Variants in KIRREL3 observed in about 807,000 individuals in gnomAD.
KIRREL3 encodes kin of IRRE-like protein 3.
A neutral mutation model predicts 89.7 loss-of-function variants in KIRREL3; 36 were observed. The ratio of observed to expected loss-of-function variants is 0.40; its 90% CI spans 0.31 to 0.53. The LOEUF (loss-of-function observed/expected upper bound fraction) is 0.53, where lower values mean the gene tolerates loss of function less well. Among genes scored for constraint, KIRREL3 ranks in the 20% least tolerant of loss-of-function variants. The pLI, the probability that KIRREL3 is intolerant of heterozygous loss-of-function variation, is 0.49. For missense variants in KIRREL3, 864 were observed against 1,056.6 expected (o/e 0.82, Z 2.53); for synonymous variants, 445 against 441.4 (o/e 1.01, Z -0.10).
intron 1 of KIRREL3, among the ~76,000 whole-genome samples, chr11:126,820,469 G>A (rs915366604): frequency 2.6e-5 from 4 of 152,172 alleles, no homozygotes; most frequent in African/African-American, 9.7e-5. Flanking sequence ...TTCTGACCCA[G>A]AGGAGTTTAT....
rs1941947783 is a variant in KIRREL3 at position 126,587,966 on chromosome 11, A to G, written c.56-25054T>C. On this transcript the variant is annotated intron_variant, in intron 1 of 16. Coordinates refer to ENST00000525144, the MANE Select transcript of KIRREL3 (RefSeq NM_032531.4). This position sits in a 1 kb window ranked among gnomAD's most constrained non-coding sequence, Gnocchi z 5.2. Reference sequence around the variant, plus strand: ...CTTTGGAAGGCTTTAGGAAGAAGGGAGAGGTGGACTGGAAGACTCAGATCT... The same window carrying G: ...CTTTGGAAGGCTTTAGGAAGAAGGGGGAGGTGGACTGGAAGACTCAGATCT... 6.6e-6 allele frequency among the ~76,000 whole-genome samples: 1 copy of G among 152,082 alleles called. No individual in the cohort carries two copies. Among genetic ancestry groups the G allele is most frequent in the South Asian group, 2.1e-4 (1 of 4,816 alleles).
At chr11:126,973,113 A>G (rs2135221198) in intron 1 of KIRREL3, among the ~76,000 whole-genome samples, 1 of 147,738 alleles carries the variant, frequency 6.8e-6, no homozygotes, top group South Asian at 2.2e-4. Flanking sequence ...AAAAAAAAAA[A>G]AAAAAAAGAC....
chr11:126,536,836 G>C lies in KIRREL3; in HGVS notation c.134-10149C>G, dbSNP rs894935571. ...ATTTTTGTATTTTTAGTAGAGACAG[G>C]GTTTCACCAAGTTGACCAGGCCAGT... On this transcript the variant is annotated intron_variant, in intron 2 of 16. Coordinates refer to ENST00000525144, the MANE Select transcript of KIRREL3 (RefSeq NM_032531.4). 3.9e-5 allele frequency among the ~76,000 whole-genome samples: 6 copies of C among 152,118 alleles called. No individual in the cohort carries two copies. In the South Asian group the frequency reaches 1.2e-3, roughly 32 times the overall value.
Position 126,909,594 on chromosome 11 carries a change from CA to C in KIRREL3, c.55+90860del, listed in dbSNP as rs1476915257. 6.6e-6 allele frequency among the ~76,000 whole-genome samples: 1 copy of C among 152,158 alleles called. No homozygotes were observed. Among genetic ancestry groups the C allele is most frequent in the Non-Finnish European group, 1.5e-5 (1 of 68,026 alleles). ...GAAAGGGCTCTGCTGAATGGAGTCGCAACAGCACCTGTCTCTGGTGTCCTCC... is the reference window on the plus strand; with the variant it reads ...GAAAGGGCTCTGCTGAATGGAGTCGCACAGCACCTGTCTCTGGTGTCCTCC... On this transcript the variant is annotated intron_variant, in intron 1 of 16. Coordinates refer to ENST00000525144, the MANE Select transcript of KIRREL3 (RefSeq NM_032531.4). The surrounding 1 kb of genome is among the most constrained non-coding windows in gnomAD (Gnocchi z 4.5).
chr11:126,720,429 C>T (rs1428621603), intron 1 of KIRREL3, among the ~76,000 whole-genome samples: 1 of 152,174 alleles, frequency 6.6e-6, no homozygotes, highest in Non-Finnish European at 1.5e-5. Flanking sequence ...CCAATGAAAT[C>T]TCAAATCCCT....
At position 126,561,544 on chromosome 11, in the gene KIRREL3, A is replaced by T. The variant is rs532377634; in HGVS notation, c.133+1291T>A. ...AAGTTACTGCCTAGCAGTCTTGTCAAGGCAGTGGTGTTGGGGAGGGAAGGG... is the reference window on the plus strand; with the variant it reads ...AAGTTACTGCCTAGCAGTCTTGTCATGGCAGTGGTGTTGGGGAGGGAAGGG... On this transcript the variant is annotated intron_variant, in intron 2 of 16. Transcript: ENST00000525144. This position sits in a 1 kb window ranked among gnomAD's most constrained non-coding sequence, Gnocchi z 4.5. Among the ~76,000 whole-genome samples the T allele has an allele frequency of 6.6e-6, 1 of 152,186 alleles. No individual in the cohort carries two copies. The highest frequency in any genetic ancestry group is 1.5e-5 in the Non-Finnish European group (1 of 68,034).
intron 1 of KIRREL3, among the ~76,000 whole-genome samples, chr11:126,934,394 T>C (rs1286716217): frequency 6.6e-6 from 1 of 152,152 alleles, no homozygotes; most frequent in Non-Finnish European, 1.5e-5. Context: ...ACTGTGACTT[T>C]GGGTTTTTCT....
At chr11:126,644,771 A>C (rs1035743408) in intron 1 of KIRREL3, among the ~76,000 whole-genome samples, 1 of 152,244 alleles carries the variant, frequency 6.6e-6, no homozygotes, top group African/African-American at 2.4e-5. Context: ...TGCCTCAAAG[A>C]GTTAAAGTTT....
At chr11:126,659,724 G>A (rs1332802600) in intron 1 of KIRREL3, among the ~76,000 whole-genome samples, 1 of 152,204 alleles carries the variant, frequency 6.6e-6, no homozygotes, top group Non-Finnish European at 1.5e-5. Context: ...TGCCTTCCAC[G>A]GGCTGATGTG....
chr11:126,850,376 A>G (rs1592221432), intron 1 of KIRREL3, among the ~76,000 whole-genome samples: 1 of 152,098 alleles, frequency 6.6e-6, no homozygotes, highest in South Asian at 2.1e-4. Flanking sequence ...GCCCTCAGAC[A>G]CCTGCCCTCC....
rs1947499300 is a variant in KIRREL3, at chr11:126,923,221, T to TCTTCTA, written c.55+77233_55+77234insTAGAAG. Among the ~76,000 whole-genome samples, 3 of 27,724 alleles carry TCTTCTA rather than the reference T, an allele frequency of 1.1e-4. 1 individual carries two copies. The highest frequency in any genetic ancestry group is 1.8e-4 in the African/African-American group (1 of 5,590). 18.2% of individuals were successfully genotyped at this position (27,724 alleles called of 152,430 possible). ...TTCTTCTTCTTCTTCTTCTTCTTCT[T>TCTTCTA]CTTCTTCTTCTTCTTCTTCTTCTTC... On this transcript the variant is annotated intron_variant, in intron 1 of 16. Transcript: ENST00000525144.
chr11:126,767,746 C>T (rs1192940002), intron 1 of KIRREL3, among the ~76,000 whole-genome samples: 12 of 152,146 alleles, frequency 7.9e-5, no homozygotes, highest in South Asian at 2.1e-4. Flanking sequence ...ATGCTAGAGA[C>T]GGCTGAAAGG....
chr11:126,922,017 CCTATCTATCTTCCTAT>C (rs1202331981), intron 1 of KIRREL3, among the ~76,000 whole-genome samples: 37 of 121,890 alleles, frequency 3.0e-4, no homozygotes, highest in African/African-American at 8.5e-4. Flanking sequence ...CATCTATCTT[CCTATCTATCTTCCTAT>C]CTATCTATCT....
rs1944045576 is a variant in KIRREL3 at position 126,843,853 on chromosome 11, C to T, written c.55+156602G>A. Among the ~76,000 whole-genome samples the T allele has an allele frequency of 1.3e-5, 2 of 152,136 alleles. No individual in the cohort carries two copies. Among genetic ancestry groups the T allele is most frequent in the Non-Finnish European group, 2.9e-5 (2 of 68,024 alleles). ...CTCCCACCCGTGCCATGACAGTTTA[C>T]AAATGCCATGGCAACATCAGAAAGT... On this transcript the variant is annotated intron_variant, in intron 1 of 16. Transcript: ENST00000525144. This position sits in a 1 kb window ranked among gnomAD's most constrained non-coding sequence, Gnocchi z 4.6.
Position 126,877,098 on chromosome 11 carries a change from G to A in KIRREL3, c.55+123357C>T, listed in dbSNP as rs1388271363. On this transcript the variant is annotated intron_variant, in intron 1 of 16. Coordinates refer to ENST00000525144, the MANE Select transcript of KIRREL3 (RefSeq NM_032531.4). The surrounding 1 kb of genome is among the most constrained non-coding windows in gnomAD (Gnocchi z 4.9). The stretch of plus-strand genomic sequence containing the variant: ...CTGGGGACCTCTTGCAGGGCGACGA[G>A]GAGATCTGACAGATGTTCCAAATGA... Among the ~76,000 whole-genome samples, 1 of 152,194 alleles carries A rather than the reference G, an allele frequency of 6.6e-6. No homozygotes were observed. The highest frequency in any genetic ancestry group is 2.4e-5 in the African/African-American group (1 of 41,438).
At chr11:126,914,690 C>T (rs1056614849) in intron 1 of KIRREL3, among the ~76,000 whole-genome samples, 13 of 152,152 alleles carry the variant, frequency 8.5e-5, no homozygotes, top group South Asian at 2.1e-4. Flanking sequence ...TTCTGTCTGC[C>T]GGAGGCAAAG....
chr11:126,451,385 T>C (rs1444495372), intron 7 of KIRREL3, among the ~76,000 whole-genome samples: 10 of 149,482 alleles, frequency 6.7e-5, no homozygotes, highest in African/African-American at 2.0e-4. Flanking sequence ...AGCGTGTGCA[T>C]GTGTGAACGT....
At chr11:126,613,884 T>G (rs867545580) in intron 1 of KIRREL3, among the ~76,000 whole-genome samples, 1 of 82,716 alleles carries the variant, frequency 1.2e-5, no homozygotes, top group African/African-American at 4.3e-5. Flanking sequence ...TTTTTTTTTT[T>G]TTTTTTTTTA....
chr11:126,665,826 C>T (rs1386255102), intron 1 of KIRREL3, among the ~76,000 whole-genome samples: 1 of 152,252 alleles, frequency 6.6e-6, no homozygotes, highest in Non-Finnish European at 1.5e-5. Flanking sequence ...GCCTGCAACA[C>T]TTAGCTGTGT....
Sources: allele counts gnomAD v4.1 joint callset (sites outside exome capture counted in the v4.1 genomes callset), GRCh38; gene constraint gnomAD v4.1.1; non-coding constraint Gnocchi (gnomAD v3.1); transcripts MANE v1.5; gene names NCBI Gene and HGNC (gene_info 2026-07-23, HGNC 2026-07-21).